SEC11A: variants seen among roughly 807,000 people sequenced by gnomAD.
SEC11A encodes SEC11 homolog A, signal peptidase complex subunit, also known as signal peptidase complex catalytic subunit SEC11A.
A neutral mutation model predicts 25.6 loss-of-function variants in SEC11A; 14 were observed. That is an observed-to-expected ratio of 0.55 (90% confidence interval 0.36 to 0.85). SEC11A has a LOEUF of 0.85. Among genes scored for constraint, SEC11A ranks in the 40% least tolerant of loss-of-function variants. The pLI, the probability that SEC11A is intolerant of heterozygous loss-of-function variation, is 0.01. For missense variants in SEC11A, 153 were observed against 222.9 expected (o/e 0.69, Z 2.00); for synonymous variants, 83 against 76.4 (o/e 1.09, Z -0.45).
chr15:84,695,191 G>C (rs1030366031), intron 1 of SEC11A, among the ~76,000 whole-genome samples: 2 of 144,878 alleles, frequency 1.4e-5, no homozygotes, highest in Non-Finnish European at 3.0e-5. Flanking sequence ...GGCTGGGCTC[G>C]GTGGCTCACG....
Position 84,695,451 on chromosome 15 carries a change from G to A in SEC11A, c.52-3807C>T, listed in dbSNP as rs930012060. Among the ~76,000 whole-genome samples the A allele has an allele frequency of 4.0e-5, 6 of 151,066 alleles. No individual in the cohort carries two copies. In the East Asian group the frequency reaches 5.9e-4, roughly 15 times the overall value. ...GCACTCCAGCCTGGGCAACAAGGGC[G>A]AAACTCCGTCTCAAAAAAAAAAAAA... On this transcript the variant is annotated intron_variant, in intron 1 of 5. Coordinates refer to ENST00000268220, the MANE Select transcript of SEC11A (RefSeq NM_014300.4).
intron 1 of SEC11A, among the ~76,000 whole-genome samples, chr15:84,709,483 C>T (rs1014109781): frequency 2.0e-5 from 3 of 152,068 alleles, no homozygotes; most frequent in African/African-American, 7.2e-5. Context: ...CGCTCTGTCA[C>T]CCAGACTGGA....
chr15:84,710,022 C>T (rs1218267981), intron 1 of SEC11A, among the ~76,000 whole-genome samples: 3 of 152,220 alleles, frequency 2.0e-5, no homozygotes, highest in Admixed American at 1.3e-4. Flanking sequence ...GCGTGAGCCA[C>T]TGCACCCAGC....
chr15:84,711,580 G>C (rs1323008230), intron 1 of SEC11A, among the ~76,000 whole-genome samples: 2 of 151,958 alleles, frequency 1.3e-5, no homozygotes, highest in Non-Finnish European at 2.9e-5. Context: ...CACTTTAGCA[G>C]CCTGAGGCGA....
chr15:84,707,249 A>G (rs1033120509), intron 1 of SEC11A, among the ~76,000 whole-genome samples: 2 of 143,200 alleles, frequency 1.4e-5, no homozygotes, highest in Non-Finnish European at 3.0e-5. Flanking sequence ...GCAGTGGCGC[A>G]ATCTCGGCTC....
intron 1 of SEC11A, among the ~76,000 whole-genome samples, chr15:84,708,808 A>C (rs1179171835): frequency 1.3e-5 from 2 of 152,122 alleles, no homozygotes; most frequent in Admixed American, 6.6e-5. Flanking sequence ...AAATGAAAAG[A>C]AAAGAAAAAG....
rs1033012392 is a variant in SEC11A at position 84,691,864 on chromosome 15, C to A, written c.52-220G>T. The A allele has an allele frequency of 2.6e-5, 10 of 391,902 alleles. No individual in the cohort carries two copies. In the South Asian group the frequency reaches 2.7e-4, roughly 11 times the overall value. 24.3% of individuals were successfully genotyped at this position (391,902 alleles called of 1,614,324 possible). A position where few individuals can be genotyped will look rare whatever the true frequency, so the allele number is the denominator to read the frequency against. ...TGCTCCATTTTGTTTGGTAAAACAT[C>A]AGTTACATTTATATAACACCATATT... is the stretch of plus-strand genomic sequence containing the variant. On this transcript the variant is annotated intron_variant, in intron 1 of 5. Transcript: ENST00000268220.
intron 1 of SEC11A, among the ~76,000 whole-genome samples, chr15:84,712,580 T>C (rs1898313775): frequency 6.6e-6 from 1 of 151,796 alleles, no homozygotes. Context: ...CCTGAGTAGC[T>C]GGGATTACAG....
chr15:84,672,706 C>T (rs112375734), intron 4 of SEC11A: 63,610 of 178,770 alleles, frequency 0.36, 11,800 homozygotes, highest in East Asian at 0.66. Context: ...AAGTGAGGAG[C>T]GTCTCTGCCT....
At chr15:84,707,247 G>A (rs7495042) in intron 1 of SEC11A, among the ~76,000 whole-genome samples, 4 of 144,630 alleles carry the variant, frequency 2.8e-5, no homozygotes, top group South Asian at 2.2e-4. Context: ...GTGCAGTGGC[G>A]CAATCTCGGC....
At chr15:84,676,046 G>T (rs1310689399) in intron 4 of SEC11A, among the ~76,000 whole-genome samples, 1 of 152,134 alleles carries the variant, frequency 6.6e-6, no homozygotes, top group Non-Finnish European at 1.5e-5. Context: ...TTTATTTTTG[G>T]GGTGATAGAA....
At chr15:84,680,008 T>C in intron 4 of SEC11A, 1 of 1,288,680 alleles carries the variant, frequency 7.8e-7, no homozygotes, top group South Asian at 1.3e-5. Flanking sequence ...TTAATTTCAT[T>C]CAACCTCATC....
Position 84,699,368 on chromosome 15 carries a change from T to C in SEC11A, c.52-7724A>G, listed in dbSNP as rs185366219. On this transcript the variant is annotated intron_variant, in intron 1 of 5. Coordinates refer to ENST00000268220, the MANE Select transcript of SEC11A (RefSeq NM_014300.4). ...ACAAAAAAAACAAAATATGCTGTTC[T>C]AGCCAAAATGAGTTAAAGAGACCAA... 1.1e-3 allele frequency among the ~76,000 whole-genome samples: 160 copies of C among 150,208 alleles called. 1 individual carries two copies. In the Middle Eastern group the frequency reaches 0.028, roughly 26 times the overall value.
At chr15:84,679,984 C>T in intron 4 of SEC11A, 1 of 1,494,294 alleles carries the variant, frequency 6.7e-7, no homozygotes, top group Non-Finnish European at 9.0e-7. Context: ...AACAAACAGG[C>T]TTAATATAAC....
At chr15:84,690,449 C>G (rs917470543) in intron 2 of SEC11A, among the ~76,000 whole-genome samples, 1 of 152,030 alleles carries the variant, frequency 6.6e-6, no homozygotes, top group African/African-American at 2.4e-5. Flanking sequence ...TACACCGTCT[C>G]TACAAAAAAA....
In SEC11A at chr15:84,669,962, C is replaced by CCAAA. The variant is rs1019353438; in HGVS notation, c.*53_*56dup. On this transcript the variant is annotated 3_prime_UTR_variant, in exon 6 of 6. Coordinates refer to ENST00000268220, the MANE Select transcript of SEC11A (RefSeq NM_014300.4). Reference sequence around the variant, plus strand: ...CACCAATCACAGACCAGTATCTACTCCAAACATCCAGTAACGAAAACTATG... The same window carrying CCAAA: ...CACCAATCACAGACCAGTATCTACTCCAAACAAACATCCAGTAACGAAAACTATG... 1 of 1,611,508 alleles carries CCAAA rather than the reference C, an allele frequency of 6.2e-7. No individual in the cohort carries two copies. Among genetic ancestry groups the CCAAA allele is most frequent in the African/African-American group, 1.3e-5 (1 of 74,856 alleles).
intron 1 of SEC11A, among the ~76,000 whole-genome samples, chr15:84,713,085 T>C (rs938800792): frequency 4.0e-5 from 6 of 151,784 alleles, no homozygotes; most frequent in African/African-American, 1.5e-4. Flanking sequence ...TCCCAGCTAC[T>C]TGGGAGGCTG....
At position 84,715,958 on chromosome 15, in the gene SEC11A, G is replaced by A. The variant is rs552777752; in HGVS notation, c.51+67C>T. 6 of 1,488,720 alleles carry A rather than the reference G, an allele frequency of 4.0e-6. No homozygotes were observed. In the African/African-American group the frequency reaches 4.1e-5, roughly 10 times the overall value. The allele number at this position is 1,488,720 out of a possible 1,614,324, so 92.2% of individuals were successfully genotyped here. A position where few individuals can be genotyped will look rare whatever the true frequency, so the allele number is the denominator to read the frequency against. On this transcript the variant is annotated intron_variant, in intron 1 of 5. Transcript: ENST00000268220. ...TCACACCAGAACCCTGGGGTCCGCC[G>A]GGCCCCGCAGCAGCAGCCTCGAAGG...
chr15:84,703,499 G>T (rs1898008920), intron 1 of SEC11A, among the ~76,000 whole-genome samples: 1 of 152,126 alleles, frequency 6.6e-6, no homozygotes, highest in African/African-American at 2.4e-5. Flanking sequence ...AACACTTTAG[G>T]CCTGATTTGT....
Sources: allele counts gnomAD v4.1 joint callset (sites outside exome capture counted in the v4.1 genomes callset), GRCh38; gene constraint gnomAD v4.1.1; transcripts MANE v1.5; gene names NCBI Gene and HGNC (gene_info 2026-07-23, HGNC 2026-07-21).